The following SF3B3 variants were observed in gnomAD, a reference collection of about 807,000 sequenced individuals.
SF3B3 encodes SAP 130.
SF3B3 carries 33 observed loss-of-function variants against 139.2 expected under a neutral mutation model. That is an observed-to-expected ratio of 0.24 (90% CI 0.18 to 0.32). SF3B3 has a LOEUF of 0.32. Ranked by LOEUF, SF3B3 falls within the 10% of genes least tolerant of loss-of-function variation. SF3B3 has a pLI of 1.00. For synonymous variants in SF3B3, 596 were observed against 563.6 expected, an observed-to-expected ratio of 1.06 and a Z score of -0.81; for missense variants, 818 against 1,509.4, an observed-to-expected ratio of 0.54 and a Z score of 7.59.
chr16:70,552,561 T>C (rs181652115), intron 11 of SF3B3, among the ~76,000 whole-genome samples: 1 of 152,328 alleles, frequency 6.6e-6, no homozygotes, highest in Admixed American at 6.5e-5. Flanking sequence ...TTGATATATG[T>C]TGACAGTTCT....
Position 70,575,439 on chromosome 16 carries a change from T to G in SF3B3, c.*3626T>G, listed in dbSNP as rs111266744. The G allele has an allele frequency of 6.6e-6, 1 of 152,288 alleles. No homozygotes were observed. The highest frequency in any genetic ancestry group is 1.5e-5 in the Non-Finnish European group (1 of 68,164). 9.4% of individuals were successfully genotyped at this position (152,288 alleles called of 1,614,324 possible). A position where few individuals can be genotyped will look rare whatever the true frequency, so the allele number is the denominator to read the frequency against. ...GTTTCGAACTCGTGACCTCAGGTGA[T>G]CCACCCACCTTGGTCTCCCAAAGCG... On this transcript the variant is annotated 3_prime_UTR_variant, in exon 26 of 26. Transcript: ENST00000302516.
intron 23 of SF3B3, 81 bp downstream of exon 23, chr16:70,569,222 G>T: frequency 4.1e-6 from 4 of 974,200 alleles, no homozygotes; most frequent in East Asian, 2.6e-5. Context: ...TGCCTTTGGT[G>T]AATTATTCAT....
chr16:70,533,686 C>T (rs1221500945), intron 5 of SF3B3, among the ~76,000 whole-genome samples: 1 of 152,190 alleles, frequency 6.6e-6, no homozygotes, highest in African/African-American at 2.4e-5. Flanking sequence ...TGCATTTCAG[C>T]AGGCTTGGGG....
At chr16:70,538,610 G>C in intron 7 of SF3B3, 150 bp downstream of exon 7, 1 of 644,708 alleles carries the variant, frequency 1.6e-6, no homozygotes, top group East Asian at 2.8e-5. Context: ...CTGGTTATCA[G>C]ATTTTTGGTC....
intron 21 of SF3B3, among the ~76,000 whole-genome samples, chr16:70,567,809 C>G (rs1311984105): frequency 6.6e-6 from 1 of 152,152 alleles, no homozygotes; most frequent in Non-Finnish European, 1.5e-5. Context: ...CCTCAGCCTC[C>G]CAAGTAGCTG....
intron 3 of SF3B3, 97 bp from the exon 4 acceptor site, chr16:70,530,648 A>G: frequency 9.7e-7 from 1 of 1,026,088 alleles, no homozygotes; most frequent in Non-Finnish European, 1.5e-6. Context: ...GCTGTTAATA[A>G]TGATTAAAAG....
At chr16:70,567,901 A>G (rs1567425893) in intron 21 of SF3B3, among the ~76,000 whole-genome samples, 1 of 152,096 alleles carries the variant, frequency 6.6e-6, no homozygotes, top group Non-Finnish European at 1.5e-5. Flanking sequence ...TGGCCAGGCT[A>G]GTCTCTTAAC....
rs752287741 is a variant in SF3B3 at position 70,558,312 on chromosome 16, C to T, written c.2010+1283C>T. On this transcript the variant is annotated intron_variant, in intron 15 of 25. Coordinates refer to ENST00000302516, the MANE Select transcript of SF3B3 (RefSeq NM_012426.5). Reference sequence around the variant, plus strand: ...TTAAAAAAAAATAGAGATAGGGTCTCGCTGTGTTGCTCAGACTGGTCTTGA... The same window carrying T: ...TTAAAAAAAAATAGAGATAGGGTCTTGCTGTGTTGCTCAGACTGGTCTTGA... Among the ~76,000 whole-genome samples the T allele has an allele frequency of 4.6e-5, 7 of 150,954 alleles. No individual in the cohort carries two copies. In the South Asian group the frequency reaches 8.4e-4, roughly 18 times the overall value.
At chr16:70,532,357 C>CAAAAAAGAAAA (rs1555499270) in intron 4 of SF3B3, 122 bp from the exon 5 acceptor site, 2 of 513,550 alleles carry the variant, frequency 3.9e-6, no homozygotes, top group Non-Finnish European at 6.1e-6. Flanking sequence ...CCTGTCTCTC[C>CAAAAAAGAAAA]AAAAAAAAAA....
chr16:70,530,509 A>G (rs1329291605), intron 3 of SF3B3, among the ~76,000 whole-genome samples: 3 of 151,738 alleles, frequency 2.0e-5, no homozygotes, highest in Non-Finnish European at 4.4e-5. Context: ...AGTAGAGACA[A>G]GGTTTTACTG....
At chr16:70,571,251 C>T in intron 25 of SF3B3, 52 bp downstream of exon 25, 1 of 1,321,656 alleles carries the variant, frequency 7.6e-7, no homozygotes. Context: ...AGGAGCAGCA[C>T]AGGGAGTGGA....
At chr16:70,529,450 C>A in intron 3 of SF3B3, 1 of 505,626 alleles carries the variant, frequency 2.0e-6, no homozygotes, top group Non-Finnish European at 3.5e-6. Context: ...TTTTCTTTGG[C>A]AAAAAGACTA....
Position 70,523,890 on chromosome 16 carries a change from G to T in SF3B3, c.-109G>T. ...GTGGCTTAAGTTTTGAAGGGAGGTA[G>T]CATCCGTTGGATATCCACACCATCC... is the stretch of plus-strand genomic sequence containing the variant. On this transcript the variant is annotated 5_prime_UTR_variant, in exon 1 of 26. Coordinates refer to ENST00000302516, the MANE Select transcript of SF3B3 (RefSeq NM_012426.5). 2.0e-6 allele frequency: 1 copy of T among 489,888 alleles called. No homozygotes were observed. Among genetic ancestry groups the T allele is most frequent in the Non-Finnish European group, 3.6e-6 (1 of 279,176 alleles). The allele number at this position is 489,888 out of a possible 1,614,324, so 30.3% of individuals were successfully genotyped here. A position where few individuals can be genotyped will look rare whatever the true frequency, so the allele number is the denominator to read the frequency against.
intron 22 of SF3B3, among the ~76,000 whole-genome samples, chr16:70,568,723 A>G (rs1403426043): frequency 6.6e-6 from 1 of 152,136 alleles, no homozygotes; most frequent in Non-Finnish European, 1.5e-5. Context: ...TGATTTAATG[A>G]TAGGTTTAGT....
chr16:70,525,872 A>G (rs749657826), intron 1 of SF3B3, among the ~76,000 whole-genome samples: 43 of 150,608 alleles, frequency 2.9e-4, no homozygotes, highest in Middle Eastern at 6.8e-3. Flanking sequence ...GAGGCAGGAG[A>G]ATGGTGTGAA....
intron 10 of SF3B3, among the ~76,000 whole-genome samples, chr16:70,548,164 A>C (rs78600190): frequency 6.6e-6 from 1 of 152,180 alleles, no homozygotes; most frequent in Non-Finnish European, 1.5e-5. Context: ...GACATCCTGT[A>C]ACTTTTGCTT....
chr16:70,570,335 T>TTTC (rs1189692999), intron 24 of SF3B3, among the ~76,000 whole-genome samples, 186 bp downstream of exon 24: 1 of 145,582 alleles, frequency 6.9e-6, no homozygotes, highest in Admixed American at 6.8e-5. Context: ...GCCATTTGGT[T>TTTC]TTTTTTTTTT....
At position 70,565,483 on chromosome 16, in the gene SF3B3, A is replaced by C. The variant is rs1446655834; in HGVS notation, c.2785A>C (p.Lys929Gln). Residue 929 changes from lysine (K) to glutamine (Q), a missense_variant, in exon 20 of 26, where the codon AAG becomes CAG. Lys to Gln is a moderately conservative substitution (Grantham distance 53). This residue lies in a region of SF3B3 where 145 missense variants were observed against 153.6 expected (regional missense o/e 0.94). Coordinates refer to ENST00000302516, the MANE Select transcript of SF3B3 (RefSeq NM_012426.5). ...SVAGGFVYTY[K>Q]LVNNGEKLEF... ...GGCAGGGGGCTTCGTCTATACTTAC[A>C]AGCTTGTGAACAATGGGGAAAAACT... The C allele has an allele frequency of 6.2e-7, 1 of 1,614,028 alleles. No homozygotes were observed. The highest frequency in any genetic ancestry group is 8.5e-7 in the Non-Finnish European group (1 of 1,180,020).
intron 8 of SF3B3, 29 bp from the exon 9 acceptor site, chr16:70,541,640 G>A (rs899980868): frequency 6.3e-6 from 10 of 1,597,824 alleles, no homozygotes; most frequent in Admixed American, 3.4e-5. Flanking sequence ...ACTCGTTACC[G>A]AAAGTTTCTC....
Sources: gnomAD v4.1 joint callset for allele counts (sites outside exome capture counted in the v4.1 genomes callset) on GRCh38, gnomAD v4.1.1 for gene constraint, gnomAD v4.1.1 regional missense constraint, MANE v1.5 for transcripts, NCBI Gene and HGNC (gene_info 2026-07-23, HGNC 2026-07-21) for gene names.